ABCA9: variants seen among roughly 807,000 people sequenced by gnomAD.
ABCA9 encodes the protein ATP-binding cassette sub-family A member 9.
ABCA9 carries 183 observed loss-of-function variants against 205.3 expected under a neutral mutation model. The ratio of observed to expected loss-of-function variants is 0.89; its 90% CI spans 0.79 to 1.01. ABCA9 has a LOEUF of 1.01. Among genes scored for constraint, ABCA9 ranks in the 50% least tolerant of loss-of-function variants. The probability of loss-of-function intolerance (pLI) is 0.00; values close to 1 mark genes in which losing one functional copy is unlikely to be tolerated. For missense variants in ABCA9, 1,805 were observed against 1,912.4 expected, an observed-to-expected ratio of 0.94 and a Z score of 1.05; for synonymous variants, 651 against 683.3, an observed-to-expected ratio of 0.95 and a Z score of 0.74.
At chr17:69,040,624 T>A (rs2071499966) in intron 6 of ABCA9, among the ~76,000 whole-genome samples, 1 of 152,072 alleles carries the variant, frequency 6.6e-6, no homozygotes, top group Admixed American at 6.6e-5. Context: ...AAAACTTAGA[T>A]GAAAGGTTGA....
chr17:68,986,444 G>A (rs2069242903), intron 31 of ABCA9, 120 bp from the exon 32 acceptor site: 9 of 967,898 alleles, frequency 9.3e-6, no homozygotes, highest in Non-Finnish European at 1.3e-5. Flanking sequence ...GTGCACAAAT[G>A]CAAATCAGTA....
At chr17:68,989,402 G>T (rs566606267) in intron 30 of ABCA9, among the ~76,000 whole-genome samples, 1 of 152,202 alleles carries the variant, frequency 6.6e-6, no homozygotes, top group Non-Finnish European at 1.5e-5. Flanking sequence ...TGAGCTGGAA[G>T]TTGTAACATA....
chr17:69,014,630 G>T (rs1254759975), intron 22 of ABCA9, among the ~76,000 whole-genome samples: 3 of 151,654 alleles, frequency 2.0e-5, no homozygotes, highest in African/African-American at 7.3e-5. Context: ...GCTGAAACGT[G>T]GCTTGAAAAA....
intron 31 of ABCA9, among the ~76,000 whole-genome samples, chr17:68,988,472 C>T (rs1257363424): frequency 6.6e-6 from 1 of 152,192 alleles, no homozygotes; most frequent in African/African-American, 2.4e-5. Flanking sequence ...TCTATCACTA[C>T]ATTACATCAT....
At chr17:68,977,328 A>G (rs938775587) in intron 37 of ABCA9, among the ~76,000 whole-genome samples, 4 of 152,122 alleles carry the variant, frequency 2.6e-5, no homozygotes, top group African/African-American at 7.2e-5. Context: ...AAAGTACCCA[A>G]TGAAAGAAAG....
chr17:69,049,159 T>C (rs1387897894), intron 3 of ABCA9, 124 bp downstream of exon 3: 14 of 1,077,856 alleles, frequency 1.3e-5, no homozygotes, highest in Non-Finnish European at 1.7e-5. Context: ...GGAAGGAATA[T>C]ACGTTAATGT....
At chr17:69,032,975 C>G (rs2071203662) in intron 9 of ABCA9, 1 of 151,998 alleles carries the variant, frequency 6.6e-6, no homozygotes, top group African/African-American at 2.4e-5. Flanking sequence ...CAGACAGACC[C>G]CAGAGATGCA....
chr17:69,060,141 T>C (rs928165613), intron 1 of ABCA9, among the ~76,000 whole-genome samples: 3 of 152,144 alleles, frequency 2.0e-5, no homozygotes, highest in South Asian at 2.1e-4. Context: ...TAAGACTGAT[T>C]TTTCCCCCCA....
chr17:69,002,459 T>C (rs2069920144), intron 25 of ABCA9, among the ~76,000 whole-genome samples: 1 of 137,850 alleles, frequency 7.3e-6, no homozygotes, highest in East Asian at 2.1e-4. Flanking sequence ...TGAGTTCTAG[T>C]TTGATTGCAC....
At position 68,985,089 on chromosome 17, in the gene ABCA9, A is replaced by C. The variant is rs1255137132; in HGVS notation, c.4248T>G (p.Ala1416=). The stretch of plus-strand genomic sequence containing the variant: ...TTCCCTCTGACAAGGTCTTCACGGG[A>C]GCCTTCAGCTGGTCCTGCAGCTTGA... ...DALKLQDQLK[A]PVKTLSEGIK... The change falls in exon 33 of 39, where the codon GCT becomes GCG. Residue 1416 remains alanine (A), a synonymous_variant. Transcript: ENST00000340001. 3.1e-6 allele frequency: 5 copies of C among 1,614,198 alleles called. No homozygotes were observed. The highest frequency in any genetic ancestry group is 4.2e-6 in the Non-Finnish European group (5 of 1,180,040).
At chr17:69,061,253 C>A, upstream of ABCA9, 1 of 692,432 alleles carries the variant, frequency 1.4e-6, no homozygotes, top group Non-Finnish European at 1.8e-6. Context: ...GACCCCAACA[C>A]AATGATTTAA....
At chr17:68,997,618 G>T (rs2069675270) in intron 25 of ABCA9, among the ~76,000 whole-genome samples, 1 of 139,282 alleles carries the variant, frequency 7.2e-6, no homozygotes. Context: ...TTTGTTAAAA[G>T]GATTTTATTA....
chr17:69,055,484 CT>C (rs1157105207), intron 1 of ABCA9, among the ~76,000 whole-genome samples: 1 of 152,166 alleles, frequency 6.6e-6, no homozygotes, highest in Non-Finnish European at 1.5e-5. Context: ...TCATAGCAAT[CT>C]TTAACATGTG....
rs764028074 is a variant in ABCA9, at chr17:69,007,808, A to G, written c.3386T>C (p.Phe1129Ser). 1.2e-6 allele frequency: 2 copies of G among 1,612,196 alleles called. No individual in the cohort carries two copies. Among genetic ancestry groups the G allele is most frequent in the Non-Finnish European group, 1.7e-6 (2 of 1,178,562 alleles). The change falls in exon 25 of 39, where the codon TTT becomes TCT. Residue 1129 changes from phenylalanine to serine, a missense_variant. By Grantham distance (155) the Phe-to-Ser change is radical. Transcript: ENST00000340001. ...GCCACTATTTTTTCTCCCATTGCGAAAAATGAATGAAATCACATATGTCAA... is the reference window on the plus strand; with the variant it reads ...GCCACTATTTTTTCTCCCATTGCGAGAAATGAATGAAATCACATATGTCAA... ...VFLTYVISFIFRNGRKNSGIW... is the reference protein window; with the variant it reads ...VFLTYVISFISRNGRKNSGIW...
At chr17:69,034,324 T>G (rs2071262720) in intron 8 of ABCA9, among the ~76,000 whole-genome samples, 1 of 152,090 alleles carries the variant, frequency 6.6e-6, no homozygotes, top group African/African-American at 2.4e-5. Context: ...TGGACCTAGG[T>G]GATTCTCCCA....
At chr17:69,007,412 G>GA (rs2070186049) in intron 25 of ABCA9, among the ~76,000 whole-genome samples, 1 of 151,830 alleles carries the variant, frequency 6.6e-6, no homozygotes, top group African/African-American at 2.4e-5. Flanking sequence ...GAAAGAAAAA[G>GA]AAAAAAAGAA....
At position 69,027,431 on chromosome 17, in the gene ABCA9, C is replaced by A. The variant is rs1345476821; in HGVS notation, c.1810G>T (p.Glu604Ter). The change falls in exon 14 of 39, where the codon GAA becomes TAA. Residue 604 changes from glutamate (E) to a stop codon, truncating the protein, a stop_gained. Transcript: ENST00000340001. LOFTEE classifies it high-confidence loss of function. ...VEKEVQRVVQ[E>*]LEMENIQDIL... ...TCTTGAATATTTTCCATTTCTAATT[C>A]CTGTACAACTCGTTGTACCTAATCA... is the stretch of plus-strand genomic sequence containing the variant. The A allele has an allele frequency of 6.2e-7, 1 of 1,612,526 alleles. No individual in the cohort carries two copies. The highest frequency in any genetic ancestry group is 1.7e-5 in the Admixed American group (1 of 59,852).
chr17:69,068,979 A>G, the ABCA9 span, among the ~76,000 whole-genome samples: 2 of 152,214 alleles, frequency 1.3e-5, no homozygotes, highest in Non-Finnish European at 2.9e-5. Context: ...TTAAAACTGC[A>G]TTCTTCAGTA....
Position 69,027,248 on chromosome 17 carries a change from T to C in ABCA9, c.1911+82A>G, listed in dbSNP as rs2071022145. On this transcript the variant is annotated intron_variant, in intron 14 of 38. Transcript: ENST00000340001. ...TTCATCCTAAAAGTTCTCTTACATT[T>C]ATCATTTGAAAATTGTTTGACCTAA... 16 of 1,564,680 alleles carry C rather than the reference T, an allele frequency of 1.0e-5. No individual in the cohort carries two copies. The South Asian group carries it at 1.8e-4, about 17-fold the overall frequency.
Sources: gnomAD v4.1 joint callset for allele counts (sites outside exome capture counted in the v4.1 genomes callset) on GRCh38, gnomAD v4.1.1 for gene constraint, MANE v1.5 for transcripts, NCBI Gene and HGNC (gene_info 2026-07-23, HGNC 2026-07-21) for gene names.